TTC29: variants seen among roughly 807,000 people sequenced by gnomAD.
The protein encoded by TTC29 is tetratricopeptide repeat protein 29.
In TTC29, 49 loss-of-function variants were observed where a neutral mutation model predicts 58.1. The ratio of observed to expected loss-of-function variants is 0.84; its 90% CI spans 0.67 to 1.07. The LOEUF (loss-of-function observed/expected upper bound fraction) is 1.07. Among genes scored for constraint, TTC29 ranks in the 50% least tolerant of loss-of-function variants. The pLI is 0.00. For missense variants in TTC29, 582 were observed against 555.6 expected (o/e 1.05, Z -0.48); for synonymous variants, 209 against 196.8 (o/e 1.06, Z -0.52).
intron 8 of TTC29, among the ~76,000 whole-genome samples, chr4:146,858,193 T>C (rs1579844187): frequency 6.6e-6 from 1 of 152,322 alleles, no homozygotes; most frequent in Non-Finnish European, 1.5e-5. Context: ...GCCATTAGTA[T>C]TGTTATTTCA....
At chr4:146,832,641 T>TTGTGTGTGTGTGTGTGTGTGTGTG (rs201136243) in intron 9 of TTC29, among the ~76,000 whole-genome samples, 2 of 149,294 alleles carry the variant, frequency 1.3e-5, no homozygotes, top group African/African-American at 4.9e-5. Context: ...CCAACTAATT[T>TTGTGTGTGTGTGTGTGTGTGTGTG]TGTGTGTGTG....
chr4:146,801,868 C>T (rs1579706144), intron 11 of TTC29, among the ~76,000 whole-genome samples: 1 of 149,318 alleles, frequency 6.7e-6, no homozygotes, highest in South Asian at 2.1e-4. Context: ...GGTCCCAGCT[C>T]CTCAGGAGGC....
chr4:146,818,971 A>T (rs1247991940), intron 10 of TTC29, among the ~76,000 whole-genome samples: 1 of 152,020 alleles, frequency 6.6e-6, no homozygotes, highest in Non-Finnish European at 1.5e-5. Context: ...ATTAGGAGAG[A>T]TACCTAATGC....
chr4:146,882,814 G>A (rs147220639), intron 6 of TTC29, among the ~76,000 whole-genome samples: 25 of 152,150 alleles, frequency 1.6e-4, no homozygotes, highest in African/African-American at 5.1e-4. Flanking sequence ...TGATTAACGT[G>A]TTATTTTGGA....
At chr4:146,806,162 T>G (rs758534124) in intron 10 of TTC29, among the ~76,000 whole-genome samples, 4 of 152,058 alleles carry the variant, frequency 2.6e-5, no homozygotes, top group African/African-American at 4.8e-5. Context: ...AGAAATGAAA[T>G]CCTTTACAGA....
intron 6 of TTC29, among the ~76,000 whole-genome samples, chr4:146,890,068 A>C (rs1732248317): frequency 6.6e-6 from 1 of 152,096 alleles, no homozygotes; most frequent in Admixed American, 6.6e-5. Flanking sequence ...AAGGAAAAAC[A>C]TTGACACCAC....
At chr4:146,768,807 G>A (rs1394322160) in intron 11 of TTC29, among the ~76,000 whole-genome samples, 1 of 151,992 alleles carries the variant, frequency 6.6e-6, no homozygotes, top group Non-Finnish European at 1.5e-5. Context: ...ATGGTTCAAA[G>A]TCTATTTTTA....
chr4:146,874,638 C>T (rs539595103), intron 7 of TTC29, 78 bp downstream of exon 7: 15 of 1,172,886 alleles, frequency 1.3e-5, no homozygotes, highest in African/African-American at 6.1e-5. Context: ...TAACACTTGA[C>T]GATTTTTACT....
At chr4:146,834,501 G>C (rs1728377316) in intron 8 of TTC29, among the ~76,000 whole-genome samples, 1 of 152,028 alleles carries the variant, frequency 6.6e-6, no homozygotes, top group South Asian at 2.1e-4. Context: ...ATTTAACACT[G>C]ACATCATCTG....
chr4:146,906,905 T>TGAGGTTAGGAGTTC (rs967798620), intron 5 of TTC29, among the ~76,000 whole-genome samples: 1 of 152,148 alleles, frequency 6.6e-6, no homozygotes, highest in African/African-American at 2.4e-5. Context: ...GAGAATCACT[T>TGAGGTTAGGAGTTC]GAGGTTAGGA....
chr4:146,718,672 CTGT>C (rs1743121911), intron 11 of TTC29, among the ~76,000 whole-genome samples: 2 of 152,122 alleles, frequency 1.3e-5, no homozygotes, highest in East Asian at 1.9e-4. Context: ...TCTCTTCACT[CTGT>C]TGTTTTCTTT....
At chr4:146,832,326 G>GGTTGTTGTT (rs994863437) in intron 9 of TTC29, among the ~76,000 whole-genome samples, 34 of 152,018 alleles carry the variant, frequency 2.2e-4, no homozygotes, top group African/African-American at 7.7e-4. Flanking sequence ...GTGTCTTCTG[G>GGTTGTTGTT]GTTGTTGTTT....
intron 11 of TTC29, among the ~76,000 whole-genome samples, chr4:146,708,138 C>T (rs948234734): frequency 3.3e-5 from 5 of 151,672 alleles, no homozygotes; most frequent in South Asian, 4.2e-4. Context: ...AACGTCCAGA[C>T]GAGCCCTGCC....
chr4:146,760,401 G>T (rs1289788324), intron 11 of TTC29, among the ~76,000 whole-genome samples: 4 of 151,492 alleles, frequency 2.6e-5, no homozygotes, highest in African/African-American at 7.3e-5. Flanking sequence ...CCCATGAAAA[G>T]ACCACCATCA....
chr4:146,876,783 A>G (rs1194292615), intron 6 of TTC29, among the ~76,000 whole-genome samples: 1 of 152,010 alleles, frequency 6.6e-6, no homozygotes, highest in Non-Finnish European at 1.5e-5. Context: ...AAAAATACAA[A>G]AAAGTAGCCA....
At chr4:146,809,321 GCATGGGCAAAGACTT>G (rs1330826394) in intron 10 of TTC29, among the ~76,000 whole-genome samples, 1 of 149,936 alleles carries the variant, frequency 6.7e-6, no homozygotes, top group Non-Finnish European at 1.5e-5. Context: ...CAGGACATAG[GCATGGGCAAAGACTT>G]CATGACTAAA....
intron 4 of TTC29, among the ~76,000 whole-genome samples, chr4:146,912,382 A>T (rs1733953555): frequency 1.3e-5 from 2 of 152,234 alleles, no homozygotes; most frequent in Non-Finnish European, 2.9e-5. Flanking sequence ...CTTATTCTAA[A>T]AAAAAATTTC....
intron 6 of TTC29, among the ~76,000 whole-genome samples, chr4:146,892,790 G>A (rs1245655966): frequency 3.9e-5 from 6 of 152,166 alleles, no homozygotes; most frequent in East Asian, 1.9e-4. Flanking sequence ...AAACCCCATT[G>A]TCTCAGCCCA....
intron 11 of TTC29, 123 bp downstream of exon 11, chr4:146,803,334 C>A: frequency 1.4e-6 from 1 of 695,030 alleles, no homozygotes; most frequent in South Asian, 2.0e-5. Flanking sequence ...GTAATGGATC[C>A]ATAAAATTGA....
Sources: gnomAD v4.1 joint callset for allele counts (sites outside exome capture counted in the v4.1 genomes callset) on GRCh38, gnomAD v4.1.1 for gene constraint, MANE v1.5 for transcripts, NCBI Gene and HGNC (gene_info 2026-07-23, HGNC 2026-07-21) for gene names.